The following PSAP variants were observed in gnomAD, a reference collection of about 807,000 sequenced individuals.
The protein encoded by PSAP is precursor of saposins.
Under a neutral mutation model 66.0 loss-of-function variants are expected in PSAP, and 25 were observed. That is an observed-to-expected ratio of 0.38 (90% confidence interval 0.28 to 0.53). The LOEUF is 0.53. Among genes scored for constraint, PSAP ranks in the 20% least tolerant of loss-of-function variants. The pLI is 0.83. For missense variants in PSAP, 649 were observed against 668.8 expected (o/e 0.97, Z 0.33); for synonymous variants, 273 against 258.9 (o/e 1.05, Z -0.52).
At position 71,834,378 on chromosome 10, in the gene PSAP, T is replaced by C; in HGVS notation, c.168A>G (p.Pro56=). The part of the protein sequence containing the change: ...KHCLQTVWNK[P]TVKSLPCDIC... ...GGAGGGCAGCGGCACTCACCACTGT[T>C]GGCTTGTTCCAAACGGTCTGCAGGC... The change falls in exon 2 of 14, where the codon CCA becomes CCG. Residue 56 remains proline (P), a synonymous_variant. Coordinates refer to ENST00000394936, the MANE Select transcript of PSAP (RefSeq NM_002778.4). 1 of 1,613,756 alleles carries C rather than the reference T, an allele frequency of 6.2e-7. No individual in the cohort carries two copies.
rs372772165 is a variant in PSAP, at chr10:71,818,597, C to A, written c.1539+20G>T. The A allele has an allele frequency of 6.2e-7, 1 of 1,607,378 alleles. No individual in the cohort carries two copies. The highest frequency in any genetic ancestry group is 1.3e-5 in the African/African-American group (1 of 74,734). ...CCCAGGGCAAGACAGGCTGGTGACA[C>A]TGTCTGCTGAGCTACTCACATTGCA... On this transcript the variant is annotated intron_variant, in intron 13 of 13. Coordinates refer to ENST00000394936, the MANE Select transcript of PSAP (RefSeq NM_002778.4).
At chr10:71,818,759 G>T (rs8181334) in intron 12 of PSAP, 35 bp from the exon 13 acceptor site, 1 of 1,533,646 alleles carries the variant, frequency 6.5e-7, no homozygotes, top group Non-Finnish European at 9.0e-7. Flanking sequence ...GAAAGGGGGA[G>T]AATGAGAGCT....
intron 1 of PSAP, among the ~76,000 whole-genome samples, chr10:71,835,219 A>AAAATAAATAAATAAAT (rs71018228): frequency 2.0e-5 from 3 of 147,280 alleles, no homozygotes; most frequent in African/African-American, 7.5e-5. Context: ...TCCGTTTCAA[A>AAAATAAATAAATAAAT]AAATAAATAA....
Position 71,819,891 on chromosome 10 carries a change from G to A in PSAP, c.1015C>T (p.Leu339Phe), listed in dbSNP as rs1317922842. ...GAGCACATTTTGTCAAAAGCGTCGA[G>A]TATTTCTTTCTGAAACACACGAGAG... ...IDNNKTEKEI[L>F]DAFDKMCSKL... Residue 339 changes from leucine to phenylalanine, a missense_variant, in exon 10 of 14, where the codon CTC becomes TTC. Physicochemically the swap from Leu to Phe is conservative, Grantham distance 22 (BLOSUM62 0). Transcript: ENST00000394936. The A allele has an allele frequency of 6.2e-7, 1 of 1,614,014 alleles. No homozygotes were observed. Among genetic ancestry groups the A allele is most frequent in the South Asian group, 1.1e-5 (1 of 91,066 alleles).
At position 71,816,504 on chromosome 10, in the gene PSAP, C is replaced by A. The variant is rs1332876309; in HGVS notation, c.*937G>T. 2.1e-6 allele frequency: 1 copy of A among 465,556 alleles called. No homozygotes were observed. Among genetic ancestry groups the A allele is most frequent in the Non-Finnish European group, 4.5e-6 (1 of 222,266 alleles). The allele number at this position is 465,556 out of a possible 1,614,324, so 28.8% of individuals were successfully genotyped here. On this transcript the variant is annotated 3_prime_UTR_variant, in exon 14 of 14. Coordinates refer to ENST00000394936, the MANE Select transcript of PSAP (RefSeq NM_002778.4). ...AGCATCCAATCCACACCCAGCAGAC[C>A]CTTCGGCATGCCGCCCTCTACCAGG...
At chr10:71,840,341 G>A (rs907811988) in intron 1 of PSAP, among the ~76,000 whole-genome samples, 1 of 152,194 alleles carries the variant, frequency 6.6e-6, no homozygotes, top group Non-Finnish European at 1.5e-5. Flanking sequence ...CCCTGGAGGA[G>A]CGGCTTCTAC....
rs567229208 is a variant in PSAP, at chr10:71,817,778, G to A, written c.1540-302C>T. Among the ~76,000 whole-genome samples the A allele has an allele frequency of 1.2e-4, 18 of 152,354 alleles. No individual in the cohort carries two copies. The East Asian group carries it at 1.9e-3, about 16-fold the overall frequency. ...CATCTACCTGCACCCGGCACCCAGC[G>A]TCCTGCTAGCAGCCTGCACACTAAC... On this transcript the variant is annotated intron_variant, in intron 13 of 13. Coordinates refer to ENST00000394936, the MANE Select transcript of PSAP (RefSeq NM_002778.4).
intron 13 of PSAP, among the ~76,000 whole-genome samples, chr10:71,818,040 C>T (rs867538028): frequency 6.6e-6 from 1 of 152,216 alleles, no homozygotes; most frequent in African/African-American, 2.4e-5. Context: ...CAGGGAAGCC[C>T]GGTGAGGAAG....
intron 1 of PSAP, among the ~76,000 whole-genome samples, chr10:71,836,575 TAGGCAGAGGA>T (rs1842632706): frequency 6.6e-6 from 1 of 152,056 alleles, no homozygotes; most frequent in African/African-American, 2.4e-5. Flanking sequence ...AATGAGTCTC[TAGGCAGAGGA>T]AGGCAGAGTG....
intron 7 of PSAP, among the ~76,000 whole-genome samples, chr10:71,824,611 G>C (rs1036935916): frequency 6.6e-6 from 1 of 152,194 alleles, no homozygotes; most frequent in Non-Finnish European, 1.5e-5. Context: ...TATGTACACA[G>C]GTGATTATTC....
At chr10:71,843,677 A>T (rs1053927358) in intron 1 of PSAP, among the ~76,000 whole-genome samples, 2 of 152,258 alleles carry the variant, frequency 1.3e-5, no homozygotes, top group African/African-American at 4.8e-5. Context: ...GGGATTAAAA[A>T]GACACATCCA....
In PSAP at chr10:71,834,362, C is replaced by T. The variant is rs375887783; in HGVS notation, c.174+10G>A. On this transcript the variant is annotated intron_variant, in intron 2 of 13. Transcript: ENST00000394936. ...TGCTGCGGCTGGGACTGGAGGGCAGCGGCACTCACCACTGTTGGCTTGTTC... is the reference window on the plus strand; with the variant it reads ...TGCTGCGGCTGGGACTGGAGGGCAGTGGCACTCACCACTGTTGGCTTGTTC... 31 of 1,613,124 alleles carry T rather than the reference C, an allele frequency of 1.9e-5. No individual in the cohort carries two copies. Among genetic ancestry groups the T allele is most frequent in the Non-Finnish European group, 2.3e-5 (27 of 1,179,984 alleles).
intron 1 of PSAP, among the ~76,000 whole-genome samples, chr10:71,835,554 C>A (rs1028271998): frequency 6.6e-6 from 1 of 152,000 alleles, no homozygotes; most frequent in Admixed American, 6.6e-5. Context: ...CGGTGAGCTA[C>A]CATACCTAGC....
chr10:71,843,232 C>T (rs1842760286), intron 1 of PSAP, among the ~76,000 whole-genome samples: 1 of 152,058 alleles, frequency 6.6e-6, no homozygotes, highest in Non-Finnish European at 1.5e-5. Context: ...AGGTGGAATT[C>T]AAAATGGAAA....
At chr10:71,836,113 T>C (rs1199943714) in intron 1 of PSAP, among the ~76,000 whole-genome samples, 1 of 152,220 alleles carries the variant, frequency 6.6e-6, no homozygotes, top group Non-Finnish European at 1.5e-5. Flanking sequence ...ATTATTCATC[T>C]GCTGCCCAGA....
intron 1 of PSAP, among the ~76,000 whole-genome samples, 183 bp downstream of exon 1, chr10:71,850,999 C>G (rs1842917436): frequency 6.6e-6 from 1 of 152,262 alleles, no homozygotes; most frequent in Admixed American, 6.5e-5. Context: ...GCAGCCCGCC[C>G]CCCGCAGCCC....
Position 71,816,370 on chromosome 10 carries a change from T to C in PSAP, c.*1071A>G, listed in dbSNP as rs551941858. The C allele has an allele frequency of 1.0e-3, 479 of 469,668 alleles. 1 individual carries two copies. Among genetic ancestry groups the C allele is most frequent in the African/African-American group, 8.7e-3 (438 of 50,188 alleles). 29.1% of individuals were successfully genotyped at this position (469,668 alleles called of 1,614,324 possible). A position where few individuals can be genotyped will look rare whatever the true frequency, so the allele number is the denominator to read the frequency against. On this transcript the variant is annotated 3_prime_UTR_variant, in exon 14 of 14. Transcript: ENST00000394936. ...AACAAAAATCACGAAGTCCATTTAATAGCAACTTCATGTCCTGCTGGCTTT... is the reference window on the plus strand; with the variant it reads ...AACAAAAATCACGAAGTCCATTTAACAGCAACTTCATGTCCTGCTGGCTTT...
intron 12 of PSAP, 146 bp from the exon 13 acceptor site, chr10:71,818,870 G>T: frequency 9.7e-7 from 1 of 1,028,832 alleles, no homozygotes; most frequent in Non-Finnish European, 1.5e-6. Context: ...GCTGAGGAAA[G>T]CGATGGGGCT....
chr10:71,840,965 TAAC>T (rs1842722967), intron 1 of PSAP, among the ~76,000 whole-genome samples: 1 of 152,232 alleles, frequency 6.6e-6, no homozygotes, highest in Non-Finnish European at 1.5e-5. Context: ...TAAAAACTCC[TAAC>T]AAAGCTTTTC....
Sources: allele counts gnomAD v4.1 joint callset (sites outside exome capture counted in the v4.1 genomes callset), GRCh38; gene constraint gnomAD v4.1.1; transcripts MANE v1.5; gene names NCBI Gene and HGNC (gene_info 2026-07-23, HGNC 2026-07-21).